FSTL5: variants seen among roughly 807,000 people sequenced by gnomAD.
FSTL5 encodes follistatin-related protein 5.
Under a neutral mutation model 89.1 loss-of-function variants are expected in FSTL5, and 62 were observed. The observed-to-expected ratio is 0.70, with a 90% CI of 0.57 to 0.86. The LOEUF (loss-of-function observed/expected upper bound fraction) is 0.86, where lower values mean the gene tolerates loss of function less well. FSTL5 is among the 40% of genes least tolerant of loss of function. The pLI, the probability that FSTL5 is intolerant of heterozygous loss-of-function variation, is 0.00. For missense variants in FSTL5, 1,057 were observed against 1,001.6 expected (o/e 1.06, Z -0.75); for synonymous variants, 383 against 346.2 (o/e 1.11, Z -1.18).
intron 8 of FSTL5, among the ~76,000 whole-genome samples, chr4:161,583,976 C>T (rs1320344752): frequency 6.6e-6 from 1 of 152,112 alleles, no homozygotes; most frequent in Admixed American, 6.6e-5. Context: ...AACTTCTTCT[C>T]TCCTAACTAT....
intron 6 of FSTL5, among the ~76,000 whole-genome samples, chr4:161,756,475 A>G (rs1410795452): frequency 1.3e-5 from 2 of 152,010 alleles, no homozygotes; most frequent in African/African-American, 4.8e-5. Flanking sequence ...ACCCATATAT[A>G]TTTCCTTCTA....
intron 4 of FSTL5, among the ~76,000 whole-genome samples, chr4:161,908,319 T>C (rs1733594099): frequency 6.6e-6 from 1 of 152,066 alleles, no homozygotes; most frequent in Non-Finnish European, 1.5e-5. Context: ...TCATATTTGT[T>C]CATACATATC....
chr4:161,537,706 A>G (rs1731672938), intron 10 of FSTL5, among the ~76,000 whole-genome samples: 1 of 152,178 alleles, frequency 6.6e-6, no homozygotes, highest in Admixed American at 6.5e-5. Context: ...TTAGAGTGGC[A>G]GTTACCACTG....
intron 15 of FSTL5, among the ~76,000 whole-genome samples, chr4:161,395,044 A>T (rs1322803564): frequency 6.6e-6 from 1 of 152,184 alleles, no homozygotes; most frequent in Non-Finnish European, 1.5e-5. Context: ...AGGGATTTAA[A>T]TAACAAACAG....
In FSTL5 at chr4:161,835,068, G is replaced by T. The variant is rs1237082847; in HGVS notation, c.410-58994C>A. On this transcript the variant is annotated intron_variant, in intron 4 of 15. Transcript: ENST00000306100. ...CTTCAAACTATACTATAAGGCTACA[G>T]TAACCAAAACAGCATGGTACTGGTA... Among the ~76,000 whole-genome samples the T allele has an allele frequency of 1.4e-5, 2 of 146,618 alleles. 1 individual carries two copies. The highest frequency in any genetic ancestry group is 1.4e-4 in the Admixed American group (2 of 14,774).
At position 161,512,384 on chromosome 4, in the gene FSTL5, GA is replaced by G. The variant is rs370892448; in HGVS notation, c.1313-1961del. Among the ~76,000 whole-genome samples, 467 of 152,064 alleles carry G rather than the reference GA, an allele frequency of 3.1e-3. 2 individuals carry two copies. The highest frequency in any genetic ancestry group is 4.3e-3 in the Non-Finnish European group (289 of 67,912). ...GACAAAAAGTAATCAAATGATGACAGAAAAAAATTCAAAGTTATGAATTTAG... is the reference window on the plus strand; with the variant it reads ...GACAAAAAGTAATCAAATGATGACAGAAAAAATTCAAAGTTATGAATTTAG... On this transcript the variant is annotated intron_variant, in intron 10 of 15. Coordinates refer to ENST00000306100, the MANE Select transcript of FSTL5 (RefSeq NM_020116.5).
intron 15 of FSTL5, among the ~76,000 whole-genome samples, chr4:161,404,422 G>C (rs1016339304): frequency 6.6e-6 from 1 of 152,102 alleles, no homozygotes; most frequent in Admixed American, 6.6e-5. Context: ...AAGATCCTAA[G>C]CTTTTATCTC....
intron 3 of FSTL5, among the ~76,000 whole-genome samples, chr4:161,968,855 G>A (rs1735397997): frequency 1.3e-5 from 2 of 151,508 alleles, no homozygotes; most frequent in East Asian, 2.0e-4. Context: ...TAAAAGACAG[G>A]AGAATACCTC....
intron 4 of FSTL5, among the ~76,000 whole-genome samples, chr4:161,829,828 A>C (rs1730787876): frequency 6.6e-6 from 1 of 152,106 alleles, no homozygotes; most frequent in South Asian, 2.1e-4. Context: ...TCACAGAGCC[A>C]AAATCTCAGA....
At chr4:161,469,172 G>C (rs1733845485) in intron 13 of FSTL5, among the ~76,000 whole-genome samples, 1 of 152,006 alleles carries the variant, frequency 6.6e-6, no homozygotes, top group African/African-American at 2.4e-5. Context: ...GAATCAGACA[G>C]TTTTTGTCTT....
chr4:162,102,614 TATAAA>T (rs969106658), intron 2 of FSTL5, among the ~76,000 whole-genome samples: 2 of 146,098 alleles, frequency 1.4e-5, no homozygotes, highest in Non-Finnish European at 3.0e-5. Flanking sequence ...TTATATTATA[TATAAA>T]ATATTTATAA....
chr4:161,550,042 C>G (rs1227925677), intron 8 of FSTL5, among the ~76,000 whole-genome samples: 1 of 151,846 alleles, frequency 6.6e-6, no homozygotes, highest in Non-Finnish European at 1.5e-5. Context: ...CCTTTCCCAG[C>G]TATACTCTGG....
At chr4:162,043,877 G>T (rs1738070803) in intron 2 of FSTL5, among the ~76,000 whole-genome samples, 1 of 152,134 alleles carries the variant, frequency 6.6e-6, no homozygotes, top group Non-Finnish European at 1.5e-5. Flanking sequence ...TTTACTGTAA[G>T]ATTGTGGCAA....
Position 161,455,198 on chromosome 4 carries a change from T to C in FSTL5, c.1717-70A>G, listed in dbSNP as rs573600191. 8 of 1,285,184 alleles carry C rather than the reference T, an allele frequency of 6.2e-6. No homozygotes were observed. The East Asian group carries it at 2.1e-4, about 34-fold the overall frequency. 79.6% of individuals were successfully genotyped at this position (1,285,184 alleles called of 1,614,324 possible). A position where few individuals can be genotyped will look rare whatever the true frequency, so the allele number is the denominator to read the frequency against. On this transcript the variant is annotated intron_variant, in intron 14 of 15. Transcript: ENST00000306100. ...TCATAGTATAAGCTTTAATTTTATT[T>C]AGAGATGAAATAAATGTTTCTGGCA...
chr4:161,802,896 A>G (rs1729842257), intron 4 of FSTL5, among the ~76,000 whole-genome samples: 1 of 151,830 alleles, frequency 6.6e-6, no homozygotes, highest in Non-Finnish European at 1.5e-5. Context: ...AATTTCCAAA[A>G]CAGCAATCTA....
intron 7 of FSTL5, among the ~76,000 whole-genome samples, chr4:161,630,716 C>A (rs879427559): frequency 1.3e-5 from 2 of 152,106 alleles, no homozygotes; most frequent in Non-Finnish European, 2.9e-5. Context: ...TCAACATATG[C>A]GTAAGAAAAC....
At chr4:161,722,257 C>A (rs937557768) in intron 6 of FSTL5, among the ~76,000 whole-genome samples, 1 of 152,106 alleles carries the variant, frequency 6.6e-6, no homozygotes, top group African/African-American at 2.4e-5. Context: ...ATTCTTTCTA[C>A]TCTTGTAAGA....
At position 161,781,699 on chromosome 4, in the gene FSTL5, G is replaced by A. The variant is rs558835789; in HGVS notation, c.410-5625C>T. 7.2e-5 allele frequency among the ~76,000 whole-genome samples: 11 copies of A among 152,238 alleles called. No homozygotes were observed. In the South Asian group the frequency reaches 2.1e-3, roughly 29 times the overall value. On this transcript the variant is annotated intron_variant, in intron 4 of 15. Coordinates refer to ENST00000306100, the MANE Select transcript of FSTL5 (RefSeq NM_020116.5). ...CCAGCTATCGACATCCCACATCATA[G>A]TTACAATCGATGAACAAATATTGAA...
intron 4 of FSTL5, among the ~76,000 whole-genome samples, chr4:161,829,142 TA>T (rs1310355752): frequency 4.0e-4 from 55 of 136,638 alleles, no homozygotes; most frequent in African/African-American, 1.6e-3. Context: ...TCACATTTTA[TA>T]TATATATATA....
Sources: allele counts gnomAD v4.1 joint callset (sites outside exome capture counted in the v4.1 genomes callset), GRCh38; gene constraint gnomAD v4.1.1; transcripts MANE v1.5; gene names NCBI Gene and HGNC (gene_info 2026-07-23, HGNC 2026-07-21).